KIAA1217: variants seen among roughly 807,000 people sequenced by gnomAD.
KIAA1217 encodes the protein KIAA1217.
A neutral mutation model predicts 163.9 loss-of-function variants in KIAA1217; 88 were observed. The ratio of observed to expected loss-of-function variants is 0.54; its 90% CI spans 0.45 to 0.64. The LOEUF (loss-of-function observed/expected upper bound fraction) is 0.64. KIAA1217 is among the 30% of genes least tolerant of loss of function. KIAA1217 has a pLI of 0.00. For synonymous variants in KIAA1217, 903 were observed against 923.1 expected (o/e 0.98, Z 0.39); for missense variants, 2,372 against 2,475.0 (o/e 0.96, Z 0.88).
At chr10:24,486,879 G>C (rs1052467416) in intron 6 of KIAA1217, among the ~76,000 whole-genome samples, 35 of 152,152 alleles carry the variant, frequency 2.3e-4, no homozygotes, top group African/African-American at 8.0e-4. Flanking sequence ...ACGTAAGCAA[G>C]GAGTTTTGTC....
chr10:23,930,202 T>C (rs1843202062), intron 1 of KIAA1217, among the ~76,000 whole-genome samples: 2 of 152,198 alleles, frequency 1.3e-5, no homozygotes, highest in Admixed American at 1.3e-4. Context: ...GAGAAGTGTT[T>C]GTTCATATCC....
At chr10:24,054,663 A>G (rs1220432787) in intron 2 of KIAA1217, among the ~76,000 whole-genome samples, 1 of 152,318 alleles carries the variant, frequency 6.6e-6, no homozygotes, top group Admixed American at 6.5e-5. Context: ...TATGAGAAAT[A>G]TGTCATTAGG....
intron 2 of KIAA1217, among the ~76,000 whole-genome samples, chr10:24,361,615 A>G (rs2050009043): frequency 6.6e-6 from 1 of 152,166 alleles, no homozygotes. Context: ...TGTGTGGGCA[A>G]ATACCATATC....
At chr10:23,954,973 T>C (rs575112619) in intron 1 of KIAA1217, among the ~76,000 whole-genome samples, 9 of 152,308 alleles carry the variant, frequency 5.9e-5, no homozygotes, top group African/African-American at 2.2e-4. Context: ...CTAGATTAAG[T>C]TACTTAGTCC....
chr10:23,848,826 C>G (rs1299504648), intron 1 of KIAA1217, among the ~76,000 whole-genome samples: 1 of 152,062 alleles, frequency 6.6e-6, no homozygotes, highest in African/African-American at 2.4e-5. Flanking sequence ...ATAAATATAC[C>G]TTTGTTGTTA....
intron 2 of KIAA1217, among the ~76,000 whole-genome samples, chr10:24,047,566 A>AATCTT: frequency 6.6e-6 from 1 of 152,290 alleles, no homozygotes; most frequent in African/African-American, 2.4e-5. Flanking sequence ...TAGAGAATAA[A>AATCTT]ATCTTACTCT....
chr10:23,790,213 ACACATATGCATATGCACATATGCATATG>A lies in KIAA1217; in HGVS notation c.-321+95049_-321+95076del, dbSNP rs1443712410. On this transcript the variant is annotated intron_variant, in intron 1 of 18. Coordinates refer to the KIAA1217 transcript ENST00000376462. ...TATACACATATGCATATACACATAT[ACACATATGCATATGCACATATGCATATG>A]CACATATGCATATGCACATATGCAT... is the stretch of plus-strand genomic sequence containing the variant. 5.8e-5 allele frequency among the ~76,000 whole-genome samples: 2 copies of A among 34,742 alleles called. 1 individual carries two copies. The highest frequency in any genetic ancestry group is 2.3e-4 in the African/African-American group (2 of 8,516). 22.8% of individuals were successfully genotyped at this position (34,742 alleles called of 152,430 possible).
At chr10:24,503,016 C>T (rs540824766) in intron 9 of KIAA1217, among the ~76,000 whole-genome samples, 79 of 152,278 alleles carry the variant, frequency 5.2e-4, no homozygotes, top group Middle Eastern at 3.4e-3. Flanking sequence ...ATCCAGGATC[C>T]TGGAGCAGCC....
At chr10:24,145,749 A>G (rs963837768) in intron 2 of KIAA1217, among the ~76,000 whole-genome samples, 4 of 152,262 alleles carry the variant, frequency 2.6e-5, no homozygotes, top group Non-Finnish European at 5.9e-5. Context: ...ATTCGTGTTA[A>G]GTCCAAGAGT....
At chr10:23,975,379 G>A (rs1845497664) in intron 1 of KIAA1217, among the ~76,000 whole-genome samples, 1 of 152,166 alleles carries the variant, frequency 6.6e-6, no homozygotes, top group Non-Finnish European at 1.5e-5. Context: ...CTGAAATTAA[G>A]ATTTCAACCT....
chr10:23,793,582 C>T (rs1836062001), intron 1 of KIAA1217, among the ~76,000 whole-genome samples: 1 of 152,230 alleles, frequency 6.6e-6, no homozygotes, highest in Non-Finnish European at 1.5e-5. Context: ...CTACTGAGCA[C>T]ATTTTTGGCA....
At chr10:24,092,904 A>AGTGTGT (rs149427130) in intron 2 of KIAA1217, among the ~76,000 whole-genome samples, 11 of 145,014 alleles carry the variant, frequency 7.6e-5, no homozygotes, top group Admixed American at 1.4e-4. Flanking sequence ...GTGTATGTAT[A>AGTGTGT]GTGTGTGTGT....
chr10:24,067,920 A>G (rs979240087), intron 2 of KIAA1217, among the ~76,000 whole-genome samples: 3 of 146,204 alleles, frequency 2.1e-5, no homozygotes, highest in Admixed American at 6.6e-5. Flanking sequence ...GCGAGGCTCC[A>G]TGGGTGTAGG....
intron 1 of KIAA1217, among the ~76,000 whole-genome samples, chr10:23,796,604 C>T (rs1468827490): frequency 6.6e-6 from 1 of 151,964 alleles, no homozygotes; most frequent in African/African-American, 2.4e-5. Flanking sequence ...TTCAGGTGAT[C>T]CACCCATCTC....
At chr10:24,094,580 G>T (rs1449179854) in intron 2 of KIAA1217, among the ~76,000 whole-genome samples, 2 of 152,212 alleles carry the variant, frequency 1.3e-5, no homozygotes, top group Non-Finnish European at 2.9e-5. Context: ...CTGTCTGATT[G>T]TTCCTCTGGA....
chr10:23,844,912 A>C (rs972986430), intron 1 of KIAA1217, among the ~76,000 whole-genome samples: 1 of 151,870 alleles, frequency 6.6e-6, no homozygotes, highest in Non-Finnish European at 1.5e-5. Flanking sequence ...CGACAGGCCC[A>C]GGTGTGTGAT....
chr10:23,824,552 C>T lies in KIAA1217; in HGVS notation c.-321+129318C>T, dbSNP rs188626087. On this transcript the variant is annotated intron_variant, in intron 1 of 18. Coordinates refer to the KIAA1217 transcript ENST00000376462. ...CTGAGGCAGGAGAATTGCTTGAACC[C>T]GGGAGGCAGAGGTTGCAGTGAGCTG... Among the ~76,000 whole-genome samples, 109 of 138,458 alleles carry T rather than the reference C, an allele frequency of 7.9e-4. 2 individuals carry two copies. The highest frequency in any genetic ancestry group is 3.9e-3 in the Admixed American group (52 of 13,422). The allele number at this position is 138,458 out of a possible 152,430, so 90.8% of individuals were successfully genotyped here.
chr10:23,979,307 G>C (rs1302220125), intron 1 of KIAA1217, among the ~76,000 whole-genome samples: 6 of 152,148 alleles, frequency 3.9e-5, no homozygotes, highest in African/African-American at 1.4e-4. Context: ...CGCCCAAGTT[G>C]ACATAGCCAG....
At chr10:23,856,456 T>C (rs553323147) in intron 1 of KIAA1217, among the ~76,000 whole-genome samples, 19 of 152,268 alleles carry the variant, frequency 1.2e-4, no homozygotes, top group African/African-American at 4.6e-4. Context: ...TGCTCGGGGG[T>C]CAGGGGTCAG....
Sources: gnomAD v4.1 joint callset for allele counts (sites outside exome capture counted in the v4.1 genomes callset) on GRCh38, gnomAD v4.1.1 for gene constraint, MANE v1.5 for transcripts, NCBI Gene and HGNC (gene_info 2026-07-23, HGNC 2026-07-21) for gene names.